The following ZNF560 variants were observed in gnomAD, a reference collection of about 807,000 sequenced individuals.
The protein encoded by ZNF560 is zinc finger protein 560.
A neutral mutation model predicts 81.8 loss-of-function variants in ZNF560; 54 were observed. That is an observed-to-expected ratio of 0.66 (90% confidence interval 0.53 to 0.83). The LOEUF (loss-of-function observed/expected upper bound fraction) is 0.83, where lower values mean the gene tolerates loss of function less well. Among genes scored for constraint, ZNF560 ranks in the 40% least tolerant of loss-of-function variants. ZNF560 has a pLI of 0.00. For synonymous variants in ZNF560, 321 were observed against 317.9 expected (o/e 1.01, Z -0.10); for missense variants, 940 against 932.4 (o/e 1.01, Z -0.11).
chr19:9,489,854 TGC>T (rs2144722943), intron 2 of ZNF560, among the ~76,000 whole-genome samples: 1 of 152,332 alleles, frequency 6.6e-6, no homozygotes, highest in Admixed American at 6.5e-5. Flanking sequence ...CCTCCCAAAG[TGC>T]TGGGATTACA....
chr19:9,462,668 CA>C (rs34617099), downstream of ZNF560, among the ~76,000 whole-genome samples: 64 of 148,044 alleles, frequency 4.3e-4, no homozygotes, highest in African/African-American at 1.1e-3. Context: ...AATATTCTAG[CA>C]AAAAAAAAAG....
chr19:9,505,583 T>A, the ZNF560 span, among the ~76,000 whole-genome samples: 2 of 152,274 alleles, frequency 1.3e-5, no homozygotes, highest in East Asian at 3.8e-4. Context: ...GAATGTCTTA[T>A]ACTTTTAGCT....
downstream of ZNF560, among the ~76,000 whole-genome samples, chr19:9,465,535 T>C (rs372520405): frequency 7.2e-5 from 11 of 152,200 alleles, no homozygotes; most frequent in African/African-American, 2.4e-4. Flanking sequence ...CCTTTAACTT[T>C]ATGGAGCATC....
At chr19:9,483,339 T>A (rs898491850) in intron 2 of ZNF560, among the ~76,000 whole-genome samples, 2 of 132,036 alleles carry the variant, frequency 1.5e-5, no homozygotes, top group African/African-American at 5.8e-5. Flanking sequence ...GTGAGGAGCA[T>A]CTCTGCCCAG....
chr19:9,474,479 CCT>C (rs2073169375), intron 3 of ZNF560, among the ~76,000 whole-genome samples, 154 bp from the exon 4 acceptor site: 1 of 152,092 alleles, frequency 6.6e-6, no homozygotes, highest in Admixed American at 6.6e-5. Flanking sequence ...CTCAGGTATT[CCT>C]CTCTCTATCC....
At chr19:9,449,920 G>C in the ZNF560 span, among the ~76,000 whole-genome samples, 1 of 134,066 alleles carries the variant, frequency 7.5e-6, no homozygotes, top group Admixed American at 8.6e-5. Context: ...AGTGAGCCAA[G>C]ATTGCGCCAT....
chr19:9,506,659 T>G, the ZNF560 span, among the ~76,000 whole-genome samples: 1 of 152,224 alleles, frequency 6.6e-6, no homozygotes, highest in Admixed American at 6.5e-5. Flanking sequence ...TTTTAGCATC[T>G]CTTTTATGTT....
intron 7 of ZNF560, chr19:9,469,989 C>A: frequency 2.2e-6 from 1 of 455,550 alleles, no homozygotes; most frequent in Non-Finnish European, 3.9e-6. Flanking sequence ...CTAAAAACCA[C>A]TAAAACCTTT....
At chr19:9,480,222 T>C (rs67011616) in intron 2 of ZNF560, among the ~76,000 whole-genome samples, 22,899 of 152,030 alleles carry the variant, frequency 0.15, 2,585 homozygotes, top group African/African-American at 0.31. Flanking sequence ...ATATGTTAGG[T>C]CACAAAACAA....
the ZNF560 span, among the ~76,000 whole-genome samples, chr19:9,447,640 C>T: frequency 6.6e-6 from 1 of 151,914 alleles, no homozygotes; most frequent in Non-Finnish European, 1.5e-5. Context: ...GAAGACTGGT[C>T]TTTCAACTAA....
intron 2 of ZNF560, among the ~76,000 whole-genome samples, chr19:9,478,230 T>C (rs1170089677): frequency 6.6e-6 from 1 of 151,934 alleles, no homozygotes; most frequent in Non-Finnish European, 1.5e-5. Flanking sequence ...CAGGAGAGAA[T>C]GGGATGACAT....
At chr19:9,490,829 C>G (rs1364927758) in intron 2 of ZNF560, among the ~76,000 whole-genome samples, 1 of 152,048 alleles carries the variant, frequency 6.6e-6, no homozygotes, top group Non-Finnish European at 1.5e-5. Flanking sequence ...AGTCTCTCAC[C>G]CAATCACCAG....
At chr19:9,470,984 A>G (rs2073112251) in intron 6 of ZNF560, among the ~76,000 whole-genome samples, 3 of 152,202 alleles carry the variant, frequency 2.0e-5, no homozygotes, top group African/African-American at 4.8e-5. Context: ...TTCCTCACCA[A>G]TATGAGAGGT....
chr19:9,489,831 C>T (rs927938144), intron 2 of ZNF560, among the ~76,000 whole-genome samples: 7 of 152,140 alleles, frequency 4.6e-5, no homozygotes, highest in Admixed American at 3.9e-4. Context: ...ACCTCATGAT[C>T]CGCCCACCTC....
At chr19:9,488,118 G>T (rs1029713997) in intron 2 of ZNF560, among the ~76,000 whole-genome samples, 3 of 152,100 alleles carry the variant, frequency 2.0e-5, no homozygotes, top group African/African-American at 7.2e-5. Flanking sequence ...GCTCACACAG[G>T]ACTGAATTAG....
In ZNF560 at chr19:9,467,748, C is replaced by G. The variant is rs2073052284; in HGVS notation, c.1199G>C (p.Gly400Ala). Residue 400 changes from glycine to alanine, a missense_variant, in exon 10 of 10, where the codon GGA becomes GCA. Gly to Ala is a moderately conservative substitution (Grantham distance 60). Transcript: ENST00000301480. ...GFLEHVRTHT[G>A]EKPYGCKECG... ...TTCCTTACACCCATAGGGCTTCTCT[C>G]CAGTGTGAGTTCGTACATGTTCAAG... The G allele has an allele frequency of 6.2e-7, 1 of 1,614,168 alleles. No homozygotes were observed. Among genetic ancestry groups the G allele is most frequent in the African/African-American group, 1.3e-5 (1 of 75,046 alleles).
chr19:9,495,813 TTC>T (rs560485921), intron 2 of ZNF560, among the ~76,000 whole-genome samples: 323 of 152,324 alleles, frequency 2.1e-3, no homozygotes, highest in African/African-American at 7.0e-3. Context: ...GACACTGACT[TTC>T]TTTTTGAAAA....
intron 2 of ZNF560, among the ~76,000 whole-genome samples, chr19:9,476,643 C>G: frequency 6.6e-6 from 1 of 152,184 alleles, no homozygotes; most frequent in East Asian, 1.9e-4. Flanking sequence ...CCCAATCTCT[C>G]TCCTGCCACC....
intron 3 of ZNF560, 110 bp downstream of exon 3, chr19:9,475,173 TG>T: frequency 8.8e-7 from 1 of 1,131,650 alleles, no homozygotes; most frequent in Non-Finnish European, 1.3e-6. Flanking sequence ...AGTGCTTGAG[TG>T]AGTCTTTATT....
Sources: gnomAD v4.1 joint callset for allele counts (sites outside exome capture counted in the v4.1 genomes callset) on GRCh38, gnomAD v4.1.1 for gene constraint, MANE v1.5 for transcripts, NCBI Gene and HGNC (gene_info 2026-07-23, HGNC 2026-07-21) for gene names.